PRDM6: variants seen among roughly 807,000 people sequenced by gnomAD.
The protein encoded by PRDM6 is PR/SET domain 6.
PRDM6 carries 25 observed loss-of-function variants against 60.8 expected under a neutral mutation model. The ratio of observed to expected loss-of-function variants is 0.41; its 90% CI spans 0.30 to 0.57. PRDM6 has a LOEUF of 0.57. Among genes scored for constraint, PRDM6 ranks in the 20% least tolerant of loss-of-function variants. The pLI is 0.27. For missense variants in PRDM6, 839 were observed against 821.3 expected (o/e 1.02, Z -0.26); for synonymous variants, 407 against 357.4 (o/e 1.14, Z -1.57).
At chr5:123,106,886 T>C (rs1167602609) in intron 3 of PRDM6, among the ~76,000 whole-genome samples, 1 of 152,256 alleles carries the variant, frequency 6.6e-6, no homozygotes, top group Non-Finnish European at 1.5e-5. Flanking sequence ...CAGTGTGGTA[T>C]AGACAGATTT....
intron 3 of PRDM6, among the ~76,000 whole-genome samples, chr5:123,113,664 C>T (rs1048251738): frequency 2.6e-5 from 4 of 152,206 alleles, no homozygotes; most frequent in Admixed American, 2.6e-4. Context: ...TTCTCACTAT[C>T]TGGCCTGTAC....
chr5:123,174,603 C>T (rs1368822963), intron 6 of PRDM6, among the ~76,000 whole-genome samples: 4 of 152,160 alleles, frequency 2.6e-5, no homozygotes, highest in African/African-American at 4.8e-5. Flanking sequence ...ATTTCAACCT[C>T]CATCCAAGAG....
At chr5:123,107,477 T>C (rs1393780779) in intron 3 of PRDM6, among the ~76,000 whole-genome samples, 1 of 152,218 alleles carries the variant, frequency 6.6e-6, no homozygotes, top group African/African-American at 2.4e-5. Flanking sequence ...ACAGAGTTGC[T>C]TTTATTCCTG....
Position 123,090,208 on chromosome 5 carries a change from C to T in PRDM6, c.194C>T (p.Pro65Leu). The part of the protein sequence containing the change: ...PPPPPERAEP[P>L]PDSLRPRPAS... ...CCGCCCCCGGAGCGCGCTGAGCCTCCGCCGGACAGCCTGCGCCCGCGGCCC... is the reference window on the plus strand; with the variant it reads ...CCGCCCCCGGAGCGCGCTGAGCCTCTGCCGGACAGCCTGCGCCCGCGGCCC... The change falls in exon 2 of 8, where the codon CCG becomes CTG. Residue 65 changes from proline to leucine, a missense_variant. Pro to Leu is a moderately conservative substitution (Grantham distance 98). Coordinates refer to ENST00000407847, the MANE Select transcript of PRDM6 (RefSeq NM_001136239.4). 3 of 1,481,412 alleles carry T rather than the reference C, an allele frequency of 2.0e-6. No individual in the cohort carries two copies. The highest frequency in any genetic ancestry group is 1.8e-6 in the Non-Finnish European group (2 of 1,118,668). The allele number at this position is 1,481,412 out of a possible 1,614,324, so 91.8% of individuals were successfully genotyped here.
In PRDM6 at chr5:123,192,153, A is replaced by G. The variant is rs557916260; in HGVS notation, c.*4952A>G. The G allele has an allele frequency of 1.6e-4, 24 of 152,232 alleles. No homozygotes were observed. Among genetic ancestry groups the G allele is most frequent in the Admixed American group, 5.9e-4 (9 of 15,282 alleles). The allele number at this position is 152,232 out of a possible 1,614,324, so 9.4% of individuals were successfully genotyped here. A position where few individuals can be genotyped will look rare whatever the true frequency, so the allele number is the denominator to read the frequency against. ...TCTGCGCTTATTCCCACAGAGGTTG[A>G]TGGGAATGATGATGATTATAAATTA... On this transcript the variant is annotated 3_prime_UTR_variant, in exon 8 of 8. Transcript: ENST00000407847.
intron 3 of PRDM6, among the ~76,000 whole-genome samples, chr5:123,110,382 C>T (rs1764284166): frequency 2.0e-5 from 3 of 151,190 alleles, no homozygotes; most frequent in African/African-American, 7.3e-5. Flanking sequence ...CCTCAGCCTC[C>T]CGAGTAGCTG....
intron 1 of PRDM6, 39 bp from the exon 2 acceptor site, chr5:123,089,961 C>T: frequency 4.8e-6 from 7 of 1,450,700 alleles, no homozygotes; most frequent in Non-Finnish European, 6.6e-6. Flanking sequence ...CCCTTTCGCC[C>T]AGCTCACGCG....
Position 123,171,036 on chromosome 5 carries a change from G to A in PRDM6, c.1424G>A (p.Cys475Tyr). Residue 475 changes from cysteine to tyrosine, a missense_variant, in exon 6 of 8, where the codon TGT becomes TAT. Cys to Tyr is a radical substitution (Grantham distance 194). Coordinates refer to ENST00000407847, the MANE Select transcript of PRDM6 (RefSeq NM_001136239.4). ...SEFSDWHLWKCGQCFKTFTQR... is the reference protein window; with the variant it reads ...SEFSDWHLWKYGQCFKTFTQR... ...TTCAGTGACTGGCATCTTTGGAAATGTGGGCAGTGCTTTAAGACTTTCACC... is the reference window on the plus strand; with the variant it reads ...TTCAGTGACTGGCATCTTTGGAAATATGGGCAGTGCTTTAAGACTTTCACC... 4 of 1,552,118 alleles carry A rather than the reference G, an allele frequency of 2.6e-6. No homozygotes were observed. Among genetic ancestry groups the A allele is most frequent in the Non-Finnish European group, 8.7e-7 (1 of 1,147,086 alleles).
chr5:123,095,846 T>C (rs1763945311), intron 2 of PRDM6, among the ~76,000 whole-genome samples: 1 of 152,204 alleles, frequency 6.6e-6, no homozygotes, highest in African/African-American at 2.4e-5. Context: ...CCGGAAGCGT[T>C]TTATATTTCA....
rs1763771619 is a variant in PRDM6, at chr5:123,090,003, G to A, written c.-12G>A. The stretch of plus-strand genomic sequence containing the variant: ...CTTCCCTGCCCTCTGCCCCCAGTTC[G>A]AGGCGCCGGACATGCTGAAGCCCGG... On this transcript the variant is annotated 5_prime_UTR_variant, in exon 2 of 8. Coordinates refer to ENST00000407847, the MANE Select transcript of PRDM6 (RefSeq NM_001136239.4). The A allele has an allele frequency of 1.3e-6, 2 of 1,543,992 alleles. No individual in the cohort carries two copies. Among genetic ancestry groups the A allele is most frequent in the African/African-American group, 1.4e-5 (1 of 72,148 alleles).
intron 3 of PRDM6, among the ~76,000 whole-genome samples, chr5:123,115,479 G>C (rs565113327): frequency 6.6e-6 from 1 of 152,034 alleles, no homozygotes; most frequent in African/African-American, 2.4e-5. Flanking sequence ...CGCACACACT[G>C]TTATCAAAAT....
intron 5 of PRDM6, among the ~76,000 whole-genome samples, chr5:123,169,221 A>G (rs902295504): frequency 1.4e-4 from 22 of 152,370 alleles, no homozygotes; most frequent in African/African-American, 4.3e-4. Flanking sequence ...TAAAATAAAA[A>G]AAGAAGAATT....
At chr5:123,139,078 A>C (rs1765039184) in intron 3 of PRDM6, among the ~76,000 whole-genome samples, 3 of 152,138 alleles carry the variant, frequency 2.0e-5, no homozygotes, top group Admixed American at 1.3e-4. Context: ...CTTGTGAAAA[A>C]AGTACTTGCT....
chr5:123,102,635 A>G (rs538039759), intron 3 of PRDM6, among the ~76,000 whole-genome samples: 1 of 152,284 alleles, frequency 6.6e-6, no homozygotes, highest in African/African-American at 2.4e-5. Flanking sequence ...TAAAAAAATT[A>G]AAAGCAGTTG....
intron 6 of PRDM6, 107 bp downstream of exon 6, chr5:123,171,215 G>T (rs147200528): frequency 1.1e-6 from 1 of 895,156 alleles, no homozygotes; most frequent in Non-Finnish European, 1.7e-6. Flanking sequence ...GTGATTTGTG[G>T]TGTCTGCATT....
intron 6 of PRDM6, among the ~76,000 whole-genome samples, chr5:123,172,795 G>A (rs1765922400): frequency 6.6e-6 from 1 of 152,188 alleles, no homozygotes; most frequent in African/African-American, 2.4e-5. Flanking sequence ...CTTTGAAGAT[G>A]AGATGAGTTT....
At chr5:123,113,462 T>A (rs756697561) in intron 3 of PRDM6, among the ~76,000 whole-genome samples, 8 of 152,178 alleles carry the variant, frequency 5.3e-5, no homozygotes, top group Non-Finnish European at 1.0e-4. Flanking sequence ...AATGACACAA[T>A]AAGGTAAAGA....
chr5:123,134,775 A>C (rs1437950564), intron 3 of PRDM6, among the ~76,000 whole-genome samples: 1 of 152,162 alleles, frequency 6.6e-6, no homozygotes, highest in Non-Finnish European at 1.5e-5. Context: ...CCAGGAATTA[A>C]TTCTTTGAGT....
chr5:123,175,950 C>G (rs1765997982), intron 6 of PRDM6, among the ~76,000 whole-genome samples: 1 of 152,176 alleles, frequency 6.6e-6, no homozygotes, highest in Non-Finnish European at 1.5e-5. Context: ...TCTCTGCCTT[C>G]TTTCTGCTTA....
Sources: allele counts gnomAD v4.1 joint callset (sites outside exome capture counted in the v4.1 genomes callset), GRCh38; gene constraint gnomAD v4.1.1; transcripts MANE v1.5; gene names NCBI Gene and HGNC (gene_info 2026-07-23, HGNC 2026-07-21).